Variants in ADAM9 observed in about 807,000 individuals in gnomAD.
ADAM9 encodes ADAM metallopeptidase domain 9.
ADAM9 carries 54 observed loss-of-function variants against 108.1 expected under a neutral mutation model. The ratio of observed to expected loss-of-function variants is 0.50; its 90% CI spans 0.40 to 0.63. The LOEUF is 0.63. Among genes scored for constraint, ADAM9 ranks in the 20% least tolerant of loss-of-function variants. ADAM9 has a pLI of 0.00. For synonymous variants in ADAM9, 316 were observed against 336.0 expected (o/e 0.94, Z 0.65); for missense variants, 830 against 997.7 (o/e 0.83, Z 2.26).
intron 20 of ADAM9, among the ~76,000 whole-genome samples, chr8:39,092,483 C>CAT (rs1394655587): frequency 6.6e-6 from 1 of 152,026 alleles, no homozygotes; most frequent in African/African-American, 2.4e-5. Context: ...CCACAAAGGC[C>CAT]ATATGCATGC....
At chr8:39,077,544 GC>G in intron 16 of ADAM9, 133 bp downstream of exon 16, 2 of 889,224 alleles carry the variant, frequency 2.2e-6, no homozygotes, top group Non-Finnish European at 3.3e-6. Flanking sequence ...AAAATACAAA[GC>G]CACCAAAAGA....
chr8:39,042,839 G>A (rs565382896), intron 12 of ADAM9, among the ~76,000 whole-genome samples: 1 of 152,246 alleles, frequency 6.6e-6, no homozygotes, highest in East Asian at 1.9e-4. Flanking sequence ...TCTGGGTACT[G>A]TGTTGTACAG....
In ADAM9 at chr8:39,104,178, G is replaced by A. The variant is rs953484480; in HGVS notation, c.*478G>A. 50 of 453,902 alleles carry A rather than the reference G, an allele frequency of 1.1e-4. No individual in the cohort carries two copies. Among genetic ancestry groups the A allele is most frequent in the Admixed American group, 9.2e-4 (39 of 42,530 alleles). 28.1% of individuals were successfully genotyped at this position (453,902 alleles called of 1,614,324 possible). A position where few individuals can be genotyped will look rare whatever the true frequency, so the allele number is the denominator to read the frequency against. ...ATATCTAATATTTTTCATCATGCAC[G>A]AATTAATAATCATCATACTCTAGAA... On this transcript the variant is annotated 3_prime_UTR_variant, in exon 22 of 22. Coordinates refer to ENST00000487273, the MANE Select transcript of ADAM9 (RefSeq NM_003816.3).
At chr8:39,091,441 A>G (rs1839351705) in intron 20 of ADAM9, 95 bp downstream of exon 20, 4 of 1,113,560 alleles carry the variant, frequency 3.6e-6, no homozygotes, top group African/African-American at 1.6e-5. Context: ...AGCTAGAAAC[A>G]TAGATACCTT....
intron 2 of ADAM9, among the ~76,000 whole-genome samples, chr8:39,010,552 G>T (rs1588328612): frequency 6.6e-6 from 1 of 152,198 alleles, no homozygotes; most frequent in Admixed American, 6.5e-5. Context: ...AATGTTAGTT[G>T]TCGAGTCCCT....
chr8:39,095,321 C>A (rs116206817), intron 20 of ADAM9, among the ~76,000 whole-genome samples: 124 of 152,190 alleles, frequency 8.1e-4, no homozygotes, highest in African/African-American at 2.7e-3. Context: ...TATAGATGTA[C>A]CTGTGCAGTT....
At chr8:39,088,341 G>A (rs1423858939) in intron 18 of ADAM9, among the ~76,000 whole-genome samples, 1 of 151,270 alleles carries the variant, frequency 6.6e-6, no homozygotes, top group South Asian at 2.1e-4. Context: ...TCTCGGCTCC[G>A]CCTCCCGGGT....
intron 11 of ADAM9, among the ~76,000 whole-genome samples, chr8:39,038,960 G>GT (rs34537427): frequency 0.14 from 20,880 of 150,898 alleles, 3,024 homozygotes; most frequent in African/African-American, 0.37. Context: ...TACTTTTTTT[G>GT]TTTTTTTTGG....
At chr8:39,019,008 G>C in intron 7 of ADAM9, 90 bp downstream of exon 7, 8 of 1,241,514 alleles carry the variant, frequency 6.4e-6, no homozygotes, top group Non-Finnish European at 9.4e-6. Flanking sequence ...CACATTGTTT[G>C]TATTGATTTT....
At chr8:39,060,214 C>T (rs1838255470) in intron 14 of ADAM9, among the ~76,000 whole-genome samples, 1 of 152,190 alleles carries the variant, frequency 6.6e-6, no homozygotes, top group African/African-American at 2.4e-5. Flanking sequence ...GGCTTTGCTC[C>T]AAAATCCTAA....
At chr8:39,036,899 T>A (rs1481517500) in intron 11 of ADAM9, among the ~76,000 whole-genome samples, 1 of 151,690 alleles carries the variant, frequency 6.6e-6, no homozygotes, top group Non-Finnish European at 1.5e-5. Flanking sequence ...TGCTGAAGGA[T>A]CAAGCATTTG....
At chr8:39,043,511 T>C (rs1254567468) in intron 12 of ADAM9, among the ~76,000 whole-genome samples, 1 of 152,204 alleles carries the variant, frequency 6.6e-6, no homozygotes, top group East Asian at 1.9e-4. Flanking sequence ...TTGATTTGCA[T>C]TTCCATGATG....
chr8:39,081,754 C>G (rs1839031405), intron 16 of ADAM9, among the ~76,000 whole-genome samples: 1 of 152,106 alleles, frequency 6.6e-6, no homozygotes, highest in Admixed American at 6.5e-5. Flanking sequence ...TAGGTTTGTT[C>G]TCTAATTGTT....
At chr8:39,082,316 G>T (rs1025266130) in intron 16 of ADAM9, among the ~76,000 whole-genome samples, 25 of 152,084 alleles carry the variant, frequency 1.6e-4, no homozygotes, top group Middle Eastern at 3.4e-3. Context: ...ACTCTATCTA[G>T]TTACTTTTGA....
chr8:38,997,279 G>A (rs1835847395), intron 1 of ADAM9, 119 bp downstream of exon 1: 3 of 1,229,966 alleles, frequency 2.4e-6, no homozygotes, highest in Non-Finnish European at 3.4e-6. Flanking sequence ...CCCGGGGTCG[G>A]GGGGCGCGGC....
chr8:39,011,916 A>G (rs1009180685), intron 3 of ADAM9, among the ~76,000 whole-genome samples, 200 bp downstream of exon 3: 11 of 152,192 alleles, frequency 7.2e-5, no homozygotes, highest in African/African-American at 2.4e-4. Context: ...ACTGGAACCA[A>G]GTACCTCCAG....
chr8:39,050,830 G>GTTTTT (rs58115667), intron 12 of ADAM9, among the ~76,000 whole-genome samples: 3 of 85,236 alleles, frequency 3.5e-5, no homozygotes, highest in Admixed American at 1.4e-4. Context: ...GCTTGGAAGT[G>GTTTTT]TTTTTTTTTT....
At chr8:39,036,172 G>A (rs2129435573) in intron 11 of ADAM9, among the ~76,000 whole-genome samples, 1 of 152,062 alleles carries the variant, frequency 6.6e-6, no homozygotes, top group Non-Finnish European at 1.5e-5. Context: ...TGATATTTTG[G>A]GGGCACAGTG....
At chr8:39,031,028 C>T (rs550371887) in intron 11 of ADAM9, among the ~76,000 whole-genome samples, 2 of 152,110 alleles carry the variant, frequency 1.3e-5, no homozygotes, top group Non-Finnish European at 2.9e-5. Context: ...TAGTCTGCAG[C>T]TTATCTTCTC....
Sources: gnomAD v4.1 joint callset for allele counts (sites outside exome capture counted in the v4.1 genomes callset) on GRCh38, gnomAD v4.1.1 for gene constraint, MANE v1.5 for transcripts, NCBI Gene and HGNC (gene_info 2026-07-23, HGNC 2026-07-21) for gene names.